CDH13: variants seen among roughly 807,000 people sequenced by gnomAD.
The protein encoded by CDH13 is cadherin 13, also known as cadherin-13.
CDH13 carries 24 observed loss-of-function variants against 63.8 expected under a neutral mutation model. The ratio of observed to expected loss-of-function variants is 0.38; its 90% CI spans 0.27 to 0.53. CDH13 has a LOEUF of 0.53. Ranked by LOEUF, CDH13 falls within the 20% of genes least tolerant of loss-of-function variation. The pLI, the probability that CDH13 is intolerant of heterozygous loss-of-function variation, is 0.85. For missense variants in CDH13, 1,049 were observed against 903.1 expected (o/e 1.16, Z -2.07); for synonymous variants, 503 against 355.3 (o/e 1.42, Z -4.67).
intron 4 of CDH13, among the ~76,000 whole-genome samples, chr16:83,210,382 T>C (rs955389425): frequency 1.3e-5 from 2 of 152,046 alleles, no homozygotes; most frequent in Admixed American, 1.3e-4. Context: ...AGTTTTCATA[T>C]GGGTACTGCC....
At chr16:82,705,794 T>G (rs966827618) in intron 1 of CDH13, among the ~76,000 whole-genome samples, 13 of 152,192 alleles carry the variant, frequency 8.5e-5, no homozygotes, top group African/African-American at 3.1e-4. Context: ...TTGATTGTGC[T>G]TCTCATTTTG....
intron 6 of CDH13, among the ~76,000 whole-genome samples, chr16:83,417,439 CT>C (rs2071583523): frequency 6.6e-6 from 1 of 152,198 alleles, no homozygotes; most frequent in African/African-American, 2.4e-5. Flanking sequence ...GAACTGTCCT[CT>C]TTATCTTAAC....
chr16:83,773,107 G>C (rs1914867752), intron 11 of CDH13, among the ~76,000 whole-genome samples: 1 of 152,188 alleles, frequency 6.6e-6, no homozygotes, highest in South Asian at 2.1e-4. Context: ...CAGAGACTGA[G>C]AGACAGAGAC....
intron 1 of CDH13, among the ~76,000 whole-genome samples, chr16:82,809,027 TGTG>T (rs1567556870): frequency 6.6e-6 from 1 of 152,176 alleles, no homozygotes; most frequent in Non-Finnish European, 1.5e-5. Context: ...TATATATGAT[TGTG>T]AACATGCATA....
intron 6 of CDH13, among the ~76,000 whole-genome samples, chr16:83,400,414 A>G (rs1011480163): frequency 2.0e-5 from 3 of 151,692 alleles, no homozygotes; most frequent in Non-Finnish European, 2.9e-5. Flanking sequence ...GGATGGCCCA[A>G]CTCCAGGATG....
At chr16:83,300,200 A>G (rs1266397630) in intron 5 of CDH13, among the ~76,000 whole-genome samples, 6 of 152,236 alleles carry the variant, frequency 3.9e-5, no homozygotes, top group Non-Finnish European at 8.8e-5. Flanking sequence ...AGACAGTGAT[A>G]AAACCTCAGC....
chr16:83,257,420 T>C (rs1010663717), intron 5 of CDH13, among the ~76,000 whole-genome samples: 13 of 150,412 alleles, frequency 8.6e-5, no homozygotes, highest in East Asian at 7.7e-4. Context: ...AGGTTTCCTC[T>C]TTCCTCTCCG....
chr16:82,699,356 T>A (rs550406675), intron 1 of CDH13, among the ~76,000 whole-genome samples: 1 of 152,198 alleles, frequency 6.6e-6, no homozygotes, highest in East Asian at 1.9e-4. Context: ...TGCATTCAGC[T>A]CCATCCTCCT....
intron 1 of CDH13, among the ~76,000 whole-genome samples, chr16:82,645,035 A>G (rs1909923458): frequency 6.6e-6 from 1 of 152,160 alleles, no homozygotes. Flanking sequence ...AGTGTGTTTC[A>G]GTTTCAGAGG....
rs551727537 is a variant in CDH13, at chr16:82,917,573, C to T, written c.157+59100C>T. Among the ~76,000 whole-genome samples the T allele has an allele frequency of 8.8e-4, 134 of 152,166 alleles. 1 individual carries two copies. The Middle Eastern group carries it at 0.01, about 12-fold the overall frequency. ...GAATAAAATGATACATTCAAAGAAG[C>T]GTATTGTGACAAAATGTGAACTTCT... On this transcript the variant is annotated intron_variant, in intron 2 of 13. Transcript: ENST00000567109.
At chr16:83,754,148 G>A (rs979507060) in intron 11 of CDH13, among the ~76,000 whole-genome samples, 3 of 152,214 alleles carry the variant, frequency 2.0e-5, no homozygotes, top group African/African-American at 7.2e-5. Flanking sequence ...ATCTCCTTGG[G>A]TCTCACAGAA....
intron 1 of CDH13, among the ~76,000 whole-genome samples, chr16:82,836,425 C>G (rs896458565): frequency 2.0e-5 from 3 of 152,180 alleles, no homozygotes; most frequent in African/African-American, 7.2e-5. Flanking sequence ...GCTAGGATTA[C>G]AGGCATGAGC....
At chr16:83,155,852 G>C (rs1026928836) in intron 4 of CDH13, among the ~76,000 whole-genome samples, 4 of 152,132 alleles carry the variant, frequency 2.6e-5, no homozygotes, top group African/African-American at 9.7e-5. Context: ...CTCAAACCTT[G>C]GCTGCATTTT....
At chr16:83,664,347 T>C (rs1353799072) in intron 8 of CDH13, among the ~76,000 whole-genome samples, 2 of 152,102 alleles carry the variant, frequency 1.3e-5, no homozygotes, top group Admixed American at 1.3e-4. Context: ...GAACAGACCA[T>C]AGTTCTTAGG....
intron 7 of CDH13, among the ~76,000 whole-genome samples, chr16:83,546,891 A>G (rs1001746042): frequency 6.6e-6 from 1 of 152,218 alleles, no homozygotes; most frequent in African/African-American, 2.4e-5. Flanking sequence ...TCTGGCACAC[A>G]GTAGGTACTC....
chr16:83,220,788 G>A (rs923969880), intron 5 of CDH13, among the ~76,000 whole-genome samples: 3 of 152,046 alleles, frequency 2.0e-5, no homozygotes, highest in Non-Finnish European at 2.9e-5. Context: ...ATGTATTAAC[G>A]TTTTCCAAAT....
chr16:82,713,240 C>A (rs982935412), intron 1 of CDH13, among the ~76,000 whole-genome samples: 8 of 152,104 alleles, frequency 5.3e-5, no homozygotes, highest in African/African-American at 1.9e-4. Flanking sequence ...CCTATCAAAG[C>A]AGGGTTCCTG....
At chr16:82,833,960 T>C (rs1037675286) in intron 1 of CDH13, among the ~76,000 whole-genome samples, 1 of 152,210 alleles carries the variant, frequency 6.6e-6, no homozygotes, top group African/African-American at 2.4e-5. Flanking sequence ...TTACTTACCT[T>C]GTGGGTGGGG....
chr16:83,400,454 G>C (rs1158634454), intron 6 of CDH13, among the ~76,000 whole-genome samples: 1 of 152,150 alleles, frequency 6.6e-6, no homozygotes, highest in Non-Finnish European at 1.5e-5. Flanking sequence ...TGTGAGTGGT[G>C]CCCCCTAGAG....
Sources: gnomAD v4.1 joint callset for allele counts (sites outside exome capture counted in the v4.1 genomes callset) on GRCh38, gnomAD v4.1.1 for gene constraint, MANE v1.5 for transcripts, NCBI Gene and HGNC (gene_info 2026-07-23, HGNC 2026-07-21) for gene names.